The following IMMT variants were observed in gnomAD, a reference collection of about 807,000 sequenced individuals.
IMMT encodes MICOS complex subunit MIC60.
Under a neutral mutation model 92.7 loss-of-function variants are expected in IMMT, and 40 were observed. That is an observed-to-expected ratio of 0.43 (90% CI 0.34 to 0.56). The LOEUF (loss-of-function observed/expected upper bound fraction) is 0.56. Among genes scored for constraint, IMMT ranks in the 20% least tolerant of loss-of-function variants. The pLI is 0.03. For synonymous variants in IMMT, 322 were observed against 336.1 expected (o/e 0.96, Z 0.46); for missense variants, 831 against 912.1 (o/e 0.91, Z 1.14).
intron 1 of IMMT, among the ~76,000 whole-genome samples, chr2:86,189,952 A>G (rs948557336): frequency 6.6e-5 from 10 of 152,218 alleles, no homozygotes; most frequent in African/African-American, 2.4e-4. Context: ...ATTCTAGGAG[A>G]ACACGTGCTC....
chr2:86,159,796 T>G (rs781515997), intron 8 of IMMT, 125 bp from the exon 9 acceptor site: 22 of 752,478 alleles, frequency 2.9e-5, no homozygotes, highest in Non-Finnish European at 4.1e-5. Flanking sequence ...GGCTGATACC[T>G]GTAATCCCAG....
At chr2:86,189,725 C>T (rs1031724537) in intron 1 of IMMT, among the ~76,000 whole-genome samples, 24 of 152,128 alleles carry the variant, frequency 1.6e-4, no homozygotes, top group African/African-American at 5.5e-4. Flanking sequence ...AAAAAGGCAC[C>T]CATAAGTTAA....
Position 86,159,644 on chromosome 2 carries a change from C to T in IMMT, c.924G>A (p.Val308=). The change falls in exon 9 of 15, where the codon GTG becomes GTA. Residue 308 remains valine, a synonymous_variant. Coordinates refer to ENST00000410111, the MANE Select transcript of IMMT (RefSeq NM_006839.3). Reference sequence around the variant, plus strand: ...CCTCTTTTTTCTTTGCATTTTCAATCACACTTTTCATCTTCTCTAACTCTT... The same window carrying T: ...CCTCTTTTTTCTTTGCATTTTCAATTACACTTTTCATCTTCTCTAACTCTT... ...AKEELEKMKS[V]IENAKKKEVA... 2 of 1,577,036 alleles carry T rather than the reference C, an allele frequency of 1.3e-6. No homozygotes were observed. Among genetic ancestry groups the T allele is most frequent in the Non-Finnish European group, 1.7e-6 (2 of 1,168,854 alleles).
At chr2:86,145,065 C>CAGGCAGT (rs67371980) in intron 14 of IMMT, among the ~76,000 whole-genome samples, 184 bp from the exon 15 acceptor site, 70,547 of 151,426 alleles carry the variant, frequency 0.47, 16,864 homozygotes, top group Non-Finnish European at 0.51. Flanking sequence ...CTCTTCATAT[C>CAGGCAGT]AAAGTCAGAA....
chr2:86,169,093 A>AG (rs1322104136), intron 6 of IMMT, among the ~76,000 whole-genome samples: 4 of 152,226 alleles, frequency 2.6e-5, no homozygotes, highest in Non-Finnish European at 1.5e-5. Context: ...GTCAAGTTTG[A>AG]GGGGGAATTA....
At chr2:86,149,102 C>T (rs1460248460) in intron 12 of IMMT, among the ~76,000 whole-genome samples, 1 of 152,130 alleles carries the variant, frequency 6.6e-6, no homozygotes, top group Non-Finnish European at 1.5e-5. Context: ...ACCTCCTTTT[C>T]CCCCACCTTA....
At position 86,144,682 on chromosome 2, in the gene IMMT, C is replaced by T. The variant is rs753152526; in HGVS notation, c.1863G>A (p.Leu621=). 1.2e-6 allele frequency: 2 copies of T among 1,613,996 alleles called. No individual in the cohort carries two copies. Among genetic ancestry groups the T allele is most frequent in the East Asian group, 2.2e-5 (1 of 44,884 alleles). Residue 621 remains leucine (L), a synonymous_variant, in exon 15 of 15, where the codon CTG becomes CTA. Transcript: ENST00000410111. ...ALTAAIPPES[L]TRGVYSEETL... ...TCTCTTCACTGTACACCCCACGGGT[C>T]AGGGACTCTGGAGGGATAGCTGCGG...
intron 3 of IMMT, among the ~76,000 whole-genome samples, chr2:86,174,738 C>CT (rs11415756): frequency 0.5 from 75,325 of 151,950 alleles, 19,135 homozygotes; most frequent in Non-Finnish European, 0.55. Flanking sequence ...GTAACTTGCT[C>CT]TTTTTTTATT....
Position 86,144,304 on chromosome 2 carries a change from G to A in IMMT, c.2241C>T (p.Ala747=), listed in dbSNP as rs752968371. 5.6e-6 allele frequency: 9 copies of A among 1,613,830 alleles called. No homozygotes were observed. Among genetic ancestry groups the A allele is most frequent in the African/African-American group, 5.3e-5 (4 of 74,970 alleles). ...IVEILTAYAS[A]VGIGTTQVQP... Reference sequence around the variant, plus strand: ...GCACCTGAGTGGTTCCTATTCCTACGGCGCTGGCATATGCTGTCAGGATTT... The same window carrying A: ...GCACCTGAGTGGTTCCTATTCCTACAGCGCTGGCATATGCTGTCAGGATTT... The change falls in exon 15 of 15, where the codon GCC becomes GCT. Residue 747 remains alanine (A), a synonymous_variant. Coordinates refer to ENST00000410111, the MANE Select transcript of IMMT (RefSeq NM_006839.3).
intron 4 of IMMT, among the ~76,000 whole-genome samples, chr2:86,172,809 C>T (rs1017172019): frequency 2.6e-5 from 4 of 152,140 alleles, no homozygotes; most frequent in Middle Eastern, 3.2e-3. Flanking sequence ...TGCTTTTCCC[C>T]ACCACCCTTT....
intron 2 of IMMT, among the ~76,000 whole-genome samples, chr2:86,180,897 A>G (rs1672394995): frequency 6.6e-6 from 1 of 151,402 alleles, no homozygotes; most frequent in Non-Finnish European, 1.5e-5. Context: ...TAAAAAAAAG[A>G]AAAAAAAATA....
chr2:86,182,768 TTGAGC>T (rs1403408612), intron 1 of IMMT, among the ~76,000 whole-genome samples: 4 of 128,370 alleles, frequency 3.1e-5, no homozygotes, highest in African/African-American at 8.5e-5. Flanking sequence ...TCACTTGAGC[TTGAGC>T]CCCGGAGGTG....
At chr2:86,172,348 GT>G (rs200515029) in intron 4 of IMMT, among the ~76,000 whole-genome samples, 5,482 of 150,582 alleles carry the variant, frequency 0.036, 121 homozygotes, top group East Asian at 0.1. Flanking sequence ...ATGAAACAAT[GT>G]TTTTTTTTGT....
intron 1 of IMMT, among the ~76,000 whole-genome samples, chr2:86,189,242 T>C (rs1378668383): frequency 7.0e-6 from 1 of 143,882 alleles, no homozygotes; most frequent in Non-Finnish European, 1.5e-5. Context: ...TGTAATGTTC[T>C]TTTTTTTTTT....
intron 6 of IMMT, among the ~76,000 whole-genome samples, chr2:86,167,827 G>GT (rs374407410): frequency 0.016 from 2,367 of 143,742 alleles, 47 homozygotes; most frequent in African/African-American, 0.05. Context: ...AATAAAAAGT[G>GT]TTTTTTTTTT....
intron 8 of IMMT, 77 bp downstream of exon 8, chr2:86,161,899 G>A: frequency 1.2e-6 from 1 of 867,158 alleles, no homozygotes; most frequent in South Asian, 1.4e-5. Flanking sequence ...ATTCTATACA[G>A]ACAATACAAA....
chr2:86,194,018 G>A (rs921599702), intron 1 of IMMT, among the ~76,000 whole-genome samples: 4 of 152,228 alleles, frequency 2.6e-5, no homozygotes, highest in East Asian at 1.9e-4. Context: ...TAGCCTGCAC[G>A]AAAGCAAACA....
chr2:86,145,788 A>G (rs1573869338), intron 14 of IMMT, among the ~76,000 whole-genome samples: 1 of 152,160 alleles, frequency 6.6e-6, no homozygotes, highest in African/African-American at 2.4e-5. Flanking sequence ...ATGGGACCAC[A>G]CTGACCCCTA....
At chr2:86,156,541 C>T (rs1675869179) in intron 10 of IMMT, among the ~76,000 whole-genome samples, 2 of 148,564 alleles carry the variant, frequency 1.3e-5, no homozygotes, top group Non-Finnish European at 3.0e-5. Flanking sequence ...TTGCAGTGAG[C>T]CAAGATTGCA....
Sources: allele counts gnomAD v4.1 joint callset (sites outside exome capture counted in the v4.1 genomes callset), GRCh38; gene constraint gnomAD v4.1.1; transcripts MANE v1.5; gene names NCBI Gene and HGNC (gene_info 2026-07-23, HGNC 2026-07-21).